The following SLC10A7 variants were observed in gnomAD, a reference collection of about 807,000 sequenced individuals.
SLC10A7 encodes the protein sodium/bile acid cotransporter 7.
Under a neutral mutation model 43.2 loss-of-function variants are expected in SLC10A7, and 29 were observed. The ratio of observed to expected loss-of-function variants is 0.67; its 90% CI spans 0.50 to 0.92. The LOEUF (loss-of-function observed/expected upper bound fraction) is 0.92, where lower values mean the gene tolerates loss of function less well. SLC10A7 is among the 40% of genes least tolerant of loss of function. The probability of loss-of-function intolerance (pLI) is 0.00; values close to 1 mark genes in which losing one functional copy is unlikely to be tolerated. For missense variants in SLC10A7, 295 were observed against 403.2 expected, an observed-to-expected ratio of 0.73 and a Z score of 2.30; for synonymous variants, 152 against 144.8, an observed-to-expected ratio of 1.05 and a Z score of -0.35.
chr4:146,296,837 AT>A (rs1464359524), intron 7 of SLC10A7, among the ~76,000 whole-genome samples: 1 of 152,204 alleles, frequency 6.6e-6, no homozygotes, highest in African/African-American at 2.4e-5. Flanking sequence ...CCTCAAAGAT[AT>A]GCTTTGGATA....
intron 5 of SLC10A7, among the ~76,000 whole-genome samples, chr4:146,433,073 C>T (rs1004451384): frequency 1.3e-5 from 2 of 151,232 alleles, no homozygotes; most frequent in African/African-American, 4.9e-5. Flanking sequence ...AAAAATCAAC[C>T]CCCCTCACCC....
intron 10 of SLC10A7, among the ~76,000 whole-genome samples, chr4:146,267,869 C>T (rs186483176): frequency 1.3e-3 from 192 of 152,254 alleles, no homozygotes; most frequent in African/African-American, 4.1e-3. Flanking sequence ...CCAACAGCAG[C>T]GCCTCTGGGA....
chr4:146,386,898 A>G (rs1738043779), intron 5 of SLC10A7, among the ~76,000 whole-genome samples: 1 of 152,186 alleles, frequency 6.6e-6, no homozygotes, highest in South Asian at 2.1e-4. Flanking sequence ...AGCAAGTTCT[A>G]TTTTTCATAG....
At chr4:146,495,747 AG>A (rs2150014482) in intron 4 of SLC10A7, among the ~76,000 whole-genome samples, 1 of 148,366 alleles carries the variant, frequency 6.7e-6, no homozygotes, top group South Asian at 2.2e-4. Flanking sequence ...TTTGAGCACC[AG>A]CCCCGTTGAT....
chr4:146,501,463 G>T (rs1235999738), intron 4 of SLC10A7, among the ~76,000 whole-genome samples: 1 of 152,172 alleles, frequency 6.6e-6, no homozygotes, highest in Non-Finnish European at 1.5e-5. Flanking sequence ...GTGAGCAGAA[G>T]TGCCATGTAT....
rs555448660 is a variant in SLC10A7 at position 146,355,492 on chromosome 4, G to T, written c.436-29496C>A. 2.7e-3 allele frequency among the ~76,000 whole-genome samples: 404 copies of T among 151,668 alleles called. 1 individual carries two copies. The highest frequency in any genetic ancestry group is 9.2e-3 in the African/African-American group (379 of 41,328). On this transcript the variant is annotated intron_variant, in intron 5 of 11. Transcript: ENST00000335472. ...GGAAGTCAGTGTGGCGATTCCTCAGGGATCTAGAACTAGAAATACCATTTG... is the reference window on the plus strand; with the variant it reads ...GGAAGTCAGTGTGGCGATTCCTCAGTGATCTAGAACTAGAAATACCATTTG...
chr4:146,364,904 C>T (rs1020326600), intron 5 of SLC10A7, among the ~76,000 whole-genome samples: 4 of 151,964 alleles, frequency 2.6e-5, no homozygotes, highest in African/African-American at 9.7e-5. Flanking sequence ...TAAATATATA[C>T]AACCACTACA....
At chr4:146,487,665 C>T (rs550192970) in intron 4 of SLC10A7, among the ~76,000 whole-genome samples, 8 of 152,310 alleles carry the variant, frequency 5.3e-5, no homozygotes, top group African/African-American at 1.9e-4. Context: ...GTCATCTCAC[C>T]TCTCAATCCC....
intron 5 of SLC10A7, among the ~76,000 whole-genome samples, chr4:146,375,864 G>C (rs907628692): frequency 6.6e-6 from 1 of 152,068 alleles, no homozygotes; most frequent in Non-Finnish European, 1.5e-5. Flanking sequence ...CAGGTTGAAG[G>C]CTCAGTCCCA....
chr4:146,267,799 C>T (rs1728652757), intron 10 of SLC10A7, among the ~76,000 whole-genome samples: 2 of 152,092 alleles, frequency 1.3e-5, no homozygotes, highest in African/African-American at 2.4e-5. Context: ...TCTCAGTGTC[C>T]TAGGGTTGGG....
At chr4:146,504,224 A>G (rs1319408359) in intron 3 of SLC10A7, among the ~76,000 whole-genome samples, 2 of 152,170 alleles carry the variant, frequency 1.3e-5, no homozygotes, top group Non-Finnish European at 2.9e-5. Context: ...AGTCATTGAA[A>G]GATAACCAAA....
intron 5 of SLC10A7, among the ~76,000 whole-genome samples, chr4:146,432,898 C>T (rs1321790843): frequency 2.6e-5 from 4 of 151,632 alleles, no homozygotes; most frequent in Non-Finnish European, 4.4e-5. Context: ...ATTAGCCGGG[C>T]GTGGTGGTAC....
At position 146,421,346 on chromosome 4, in the gene SLC10A7, T is replaced by C. The variant is rs548291093; in HGVS notation, c.435+21437A>G. Reference sequence around the variant, plus strand: ...TTTTGTGTTTGTGGTCCTTTATTTGTAAGACAATTGAAAAGCTCTAGCCAA... The same window carrying C: ...TTTTGTGTTTGTGGTCCTTTATTTGCAAGACAATTGAAAAGCTCTAGCCAA... On this transcript the variant is annotated intron_variant, in intron 5 of 11. Transcript: ENST00000335472. Among the ~76,000 whole-genome samples the C allele has an allele frequency of 2.7e-4, 41 of 152,332 alleles. 1 individual carries two copies. Among genetic ancestry groups the C allele is most frequent in the Admixed American group, 2.2e-3 (33 of 15,306 alleles).
At chr4:146,491,115 T>TGA (rs899351366) in intron 4 of SLC10A7, among the ~76,000 whole-genome samples, 1 of 152,112 alleles carries the variant, frequency 6.6e-6, no homozygotes, top group African/African-American at 2.4e-5. Flanking sequence ...AGCAGCTTTT[T>TGA]GAGAGGAAAA....
intron 1 of SLC10A7, among the ~76,000 whole-genome samples, chr4:146,521,340 G>A (rs12500663): frequency 6.6e-6 from 1 of 152,060 alleles, no homozygotes; most frequent in Admixed American, 6.5e-5. Flanking sequence ...GGCAAGAGGA[G>A]TAAGTTTCAT....
intron 5 of SLC10A7, among the ~76,000 whole-genome samples, chr4:146,350,270 C>G (rs1438031160): frequency 6.6e-6 from 1 of 151,732 alleles, no homozygotes; most frequent in South Asian, 2.1e-4. Flanking sequence ...AAAGGGGTGA[C>G]AGACGCACCT....
intron 2 of SLC10A7, among the ~76,000 whole-genome samples, chr4:146,515,456 A>G (rs1347880684): frequency 1.3e-5 from 2 of 152,230 alleles, no homozygotes; most frequent in African/African-American, 4.8e-5. Context: ...GTCCTCTCAT[A>G]TCAATATTGT....
At chr4:146,489,654 G>T (rs192325398) in intron 4 of SLC10A7, among the ~76,000 whole-genome samples, 2 of 152,136 alleles carry the variant, frequency 1.3e-5, no homozygotes, top group Non-Finnish European at 2.9e-5. Context: ...TTCTAGAATT[G>T]TGCATCAGAA....
intron 5 of SLC10A7, among the ~76,000 whole-genome samples, chr4:146,326,922 A>T (rs13142616): frequency 0.29 from 2,813 of 9,692 alleles, 106 homozygotes; most frequent in African/African-American, 0.5. Flanking sequence ...GGACAGACAC[A>T]CACACACACA....
Sources: allele counts gnomAD v4.1 joint callset (sites outside exome capture counted in the v4.1 genomes callset), GRCh38; gene constraint gnomAD v4.1.1; transcripts MANE v1.5; gene names NCBI Gene and HGNC (gene_info 2026-07-23, HGNC 2026-07-21).